Variants in RXFP1 observed in about 807,000 individuals in gnomAD.
RXFP1 encodes relaxin receptor 1.
In RXFP1, 73 loss-of-function variants were observed where a neutral mutation model predicts 89.8. The ratio of observed to expected loss-of-function variants is 0.81; its 90% CI spans 0.67 to 0.99. RXFP1 has a LOEUF of 0.99. Among genes scored for constraint, RXFP1 ranks in the 50% least tolerant of loss-of-function variants. RXFP1 has a pLI of 0.00. For missense variants in RXFP1, 793 were observed against 895.5 expected, an observed-to-expected ratio of 0.89 and a Z score of 1.46; for synonymous variants, 277 against 305.5, an observed-to-expected ratio of 0.91 and a Z score of 0.97.
chr4:158,531,111 A>G (rs1174314334), intron 1 of RXFP1, among the ~76,000 whole-genome samples: 1 of 152,128 alleles, frequency 6.6e-6, no homozygotes, highest in East Asian at 1.9e-4. Flanking sequence ...ATCTTGGCTC[A>G]CTGCAAACTC....
rs555591955 is a variant in RXFP1, at chr4:158,574,809, G to A, written c.187+1974G>A. On this transcript the variant is annotated intron_variant, in intron 2 of 17. Coordinates refer to ENST00000307765, the MANE Select transcript of RXFP1 (RefSeq NM_021634.4). ...TTTCTATGTGATGGCAGTAACTCAA[G>A]TATAACCACACTATCTAAACTAGTG... Among the ~76,000 whole-genome samples, 27 of 152,232 alleles carry A rather than the reference G, an allele frequency of 1.8e-4. No individual in the cohort carries two copies. In the South Asian group the frequency reaches 2.9e-3, roughly 16 times the overall value.
intron 3 of RXFP1, among the ~76,000 whole-genome samples, chr4:158,594,333 C>T (rs1182436033): frequency 1.3e-5 from 2 of 152,120 alleles, no homozygotes; most frequent in African/African-American, 2.4e-5. Context: ...AAAACAGCCG[C>T]GTCCTCAGCC....
chr4:158,575,726 A>C (rs1414258720), intron 2 of RXFP1, among the ~76,000 whole-genome samples: 1 of 152,216 alleles, frequency 6.6e-6, no homozygotes, highest in African/African-American at 2.4e-5. Context: ...GAACTATGAA[A>C]AATAAATGTT....
intron 2 of RXFP1, among the ~76,000 whole-genome samples, chr4:158,587,177 G>T (rs1040105810): frequency 6.6e-6 from 1 of 152,150 alleles, no homozygotes. Flanking sequence ...GCCCTGGTAG[G>T]CTGCAAGGTC....
chr4:158,543,297 A>C (rs1230337420), intron 1 of RXFP1, among the ~76,000 whole-genome samples: 1 of 152,190 alleles, frequency 6.6e-6, no homozygotes, highest in Admixed American at 6.5e-5. Context: ...GTCACTCCAG[A>C]CATCAAGTTC....
At chr4:158,573,193 A>C (rs1755489773) in intron 2 of RXFP1, 1 of 187,462 alleles carries the variant, frequency 5.3e-6, no homozygotes, top group Non-Finnish European at 1.1e-5. Flanking sequence ...TATTTTTAGT[A>C]AAGACAGGGT....
chr4:158,646,655 AG>A, intron 15 of RXFP1, 135 bp from the exon 16 acceptor site: 1 of 1,443,154 alleles, frequency 6.9e-7, no homozygotes. Flanking sequence ...ATGAATTATT[AG>A]GAGAATAAAA....
At chr4:158,569,009 C>T (rs1754459049) in intron 1 of RXFP1, among the ~76,000 whole-genome samples, 1 of 152,318 alleles carries the variant, frequency 6.6e-6, no homozygotes, top group African/African-American at 2.4e-5. Flanking sequence ...GGGAGCATAA[C>T]TGTACTGGGA....
intron 8 of RXFP1, among the ~76,000 whole-genome samples, chr4:158,615,187 T>C (rs1764316590): frequency 6.6e-6 from 1 of 152,072 alleles, no homozygotes; most frequent in Non-Finnish European, 1.5e-5. Context: ...GAGAGAGATA[T>C]GGGGGAATGG....
At chr4:158,632,766 AG>A (rs966961773) in intron 11 of RXFP1, among the ~76,000 whole-genome samples, 2 of 152,230 alleles carry the variant, frequency 1.3e-5, no homozygotes, top group African/African-American at 4.8e-5. Context: ...CCTAAGCGGA[AG>A]AAAAAAATTA....
chr4:158,623,373 G>A (rs1374729348), intron 9 of RXFP1, among the ~76,000 whole-genome samples: 2 of 149,656 alleles, frequency 1.3e-5, no homozygotes, highest in South Asian at 4.2e-4. Context: ...GCCAAGCATG[G>A]TGCCTGTAAT....
chr4:158,570,926 G>A (rs1754926363), intron 1 of RXFP1, among the ~76,000 whole-genome samples: 1 of 151,992 alleles, frequency 6.6e-6, no homozygotes, highest in Admixed American at 6.6e-5. Context: ...TCAGCCTGAA[G>A]CCTCTTCCTC....
At chr4:158,551,488 G>A (rs891553934) in intron 1 of RXFP1, among the ~76,000 whole-genome samples, 1 of 151,986 alleles carries the variant, frequency 6.6e-6, no homozygotes, top group Non-Finnish European at 1.5e-5. Flanking sequence ...TGCTAAGAGA[G>A]TAGATTTTAA....
chr4:158,556,941 T>A (rs1040463835), intron 1 of RXFP1, among the ~76,000 whole-genome samples: 10 of 152,086 alleles, frequency 6.6e-5, no homozygotes, highest in Non-Finnish European at 1.3e-4. Flanking sequence ...GAGAGAAGGA[T>A]GGGGAGAAGT....
chr4:158,544,807 A>G (rs1579473014), intron 1 of RXFP1, among the ~76,000 whole-genome samples: 1 of 152,300 alleles, frequency 6.6e-6, no homozygotes, highest in African/African-American at 2.4e-5. Flanking sequence ...ATAGTATTCC[A>G]TGGTGTATAT....
At chr4:158,573,677 G>A (rs1755625108) in intron 2 of RXFP1, among the ~76,000 whole-genome samples, 1 of 152,112 alleles carries the variant, frequency 6.6e-6, no homozygotes, top group Non-Finnish European at 1.5e-5. Context: ...GAGAATACGG[G>A]CTCTGGAGCC....
At chr4:158,538,387 C>T (rs1745773239) in intron 1 of RXFP1, among the ~76,000 whole-genome samples, 1 of 152,130 alleles carries the variant, frequency 6.6e-6, no homozygotes. Flanking sequence ...TGACTCATTT[C>T]AGATAGTCAA....
At chr4:158,626,918 T>A in intron 10 of RXFP1, 27 bp downstream of exon 10, 1 of 1,166,436 alleles carries the variant, frequency 8.6e-7, no homozygotes, top group Non-Finnish European at 1.2e-6. Flanking sequence ...GCTTTTGAAG[T>A]AATATTATCT....
intron 1 of RXFP1, among the ~76,000 whole-genome samples, chr4:158,552,257 A>G (rs1396904968): frequency 1.3e-5 from 2 of 152,212 alleles, no homozygotes; most frequent in African/African-American, 4.8e-5. Flanking sequence ...GTAGGAATAA[A>G]ATGTGATAGT....
Sources: gnomAD v4.1 joint callset for allele counts (sites outside exome capture counted in the v4.1 genomes callset) on GRCh38, gnomAD v4.1.1 for gene constraint, MANE v1.5 for transcripts, NCBI Gene and HGNC (gene_info 2026-07-23, HGNC 2026-07-21) for gene names.